CCT3: variants seen among roughly 807,000 people sequenced by gnomAD.
The protein encoded by CCT3 is chaperonin containing TCP1 subunit 3, also known as T-complex protein 1 subunit gamma.
A neutral mutation model predicts 65.3 loss-of-function variants in CCT3; 10 were observed. The ratio of observed to expected loss-of-function variants is 0.15; its 90% CI spans 0.09 to 0.26. The LOEUF (loss-of-function observed/expected upper bound fraction) is 0.26. Ranked by LOEUF, CCT3 falls within the 10% of genes least tolerant of loss-of-function variation. The pLI, the probability that CCT3 is intolerant of heterozygous loss-of-function variation, is 1.00. For synonymous variants in CCT3, 225 were observed against 242.3 expected (o/e 0.93, Z 0.66); for missense variants, 626 against 708.7 (o/e 0.88, Z 1.33).
chr1:156,335,254 G>T lies in CCT3; in HGVS notation c.94-336C>A, dbSNP rs369114197. 124 of 231,856 alleles carry T rather than the reference G, an allele frequency of 5.3e-4. 1 individual carries two copies. The highest frequency in any genetic ancestry group is 2.7e-3 in the African/African-American group (118 of 43,874). 14.4% of individuals were successfully genotyped at this position (231,856 alleles called of 1,614,324 possible). On this transcript the variant is annotated intron_variant, in intron 2 of 13. Transcript: ENST00000295688. Reference sequence around the variant, plus strand: ...CATGCCACTTTAGATATAGGATGTGGCTAGCTCTGTTGTTTTTCTCCCCTT... The same window carrying T: ...CATGCCACTTTAGATATAGGATGTGTCTAGCTCTGTTGTTTTTCTCCCCTT...
intron 7 of CCT3, among the ~76,000 whole-genome samples, chr1:156,320,464 C>T (rs1664501832): frequency 6.6e-6 from 1 of 151,940 alleles, no homozygotes; most frequent in African/African-American, 2.4e-5. Context: ...CTATTTCATT[C>T]AAGTAGGGTA....
intron 10 of CCT3, among the ~76,000 whole-genome samples, chr1:156,314,189 A>AT (rs1285843896): frequency 6.6e-6 from 1 of 152,178 alleles, no homozygotes; most frequent in Non-Finnish European, 1.5e-5. Flanking sequence ...CACAGTTGTT[A>AT]TAGATAAAGC....
Position 156,338,288 on chromosome 1 carries a change from C to G in CCT3, c.-104G>C. ...CCCAGAAAACGCTGCCTCCTCAGGGCTTACACCTCAACCCGCTACTCTCAA... is the reference window on the plus strand; with the variant it reads ...CCCAGAAAACGCTGCCTCCTCAGGGGTTACACCTCAACCCGCTACTCTCAA... On this transcript the variant is annotated 5_prime_UTR_variant, in exon 1 of 14. Coordinates refer to ENST00000295688, the MANE Select transcript of CCT3 (RefSeq NM_005998.5). 1 of 1,126,832 alleles carries G rather than the reference C, an allele frequency of 8.9e-7. No homozygotes were observed. The highest frequency in any genetic ancestry group is 1.3e-6 in the Non-Finnish European group (1 of 765,808). 69.8% of individuals were successfully genotyped at this position (1,126,832 alleles called of 1,614,324 possible).
At chr1:156,332,701 T>A (rs1162095374) in intron 5 of CCT3, 1 of 152,372 alleles carries the variant, frequency 6.6e-6, no homozygotes, top group Non-Finnish European at 1.5e-5. Context: ...ATTTCGGTAT[T>A]TATAATGGCT....
rs765182056 is a variant in CCT3 at position 156,310,617 on chromosome 1, C to T, written c.1474G>A (p.Glu492Lys). 9 of 1,613,868 alleles carry T rather than the reference C, an allele frequency of 5.6e-6. No individual in the cohort carries two copies. In the African/African-American group the frequency reaches 1.2e-4, roughly 22 times the overall value. The part of the protein sequence containing the change: ...GETGTLVDMK[E>K]LGIWEPLAVK... ...GCCAATGGCTCCCATATGCCCAGTT[C>T]CTTCATGTCCACCAAAGTACCCGTC... The change falls in exon 13 of 14, where the codon GAA (glutamate) becomes AAA (lysine). Residue 492 changes from glutamate to lysine, a missense_variant. By Grantham distance (56) the Glu-to-Lys change is moderately conservative. Coordinates refer to ENST00000295688, the MANE Select transcript of CCT3 (RefSeq NM_005998.5).
chr1:156,335,859 T>C lies in CCT3; in HGVS notation c.61A>G (p.Lys21Glu). The change falls in exon 2 of 14, where the codon AAA becomes GAA. Residue 21 changes from lysine to glutamate, a missense_variant. Physicochemically the swap from Lys to Glu is moderately conservative, Grantham distance 56 (BLOSUM62 1). Transcript: ENST00000295688. ...SQNTKRESGR[K>E]VQSGNINAAK... ...GCATTGATGTTTCCAGATTGAACTT[T>C]TCTTCCGGATTCACGCTTTGTGTTC... 6.2e-7 allele frequency: 1 copy of C among 1,614,174 alleles called. No individual in the cohort carries two copies. Among genetic ancestry groups the C allele is most frequent in the Non-Finnish European group, 8.5e-7 (1 of 1,180,014 alleles).
intron 6 of CCT3, 61 bp from the exon 7 acceptor site, chr1:156,321,086 C>A: frequency 7.6e-7 from 1 of 1,319,964 alleles, no homozygotes; most frequent in Non-Finnish European, 1.1e-6. Context: ...AGAGATGTGC[C>A]TTATCTATAC....
At chr1:156,332,396 A>G (rs2101673357) in intron 5 of CCT3, among the ~76,000 whole-genome samples, 1 of 152,354 alleles carries the variant, frequency 6.6e-6, no homozygotes, top group Middle Eastern at 3.4e-3. Context: ...CAATAGGCCA[A>G]GATTTGAAAA....
At chr1:156,324,867 T>A in intron 6 of CCT3, 105 bp downstream of exon 6, 1 of 706,836 alleles carries the variant, frequency 1.4e-6, no homozygotes, top group East Asian at 2.5e-5. Context: ...GACCTCAAGA[T>A]CCACCCGCCT....
intron 13 of CCT3, among the ~76,000 whole-genome samples, chr1:156,309,716 A>G (rs1663997394): frequency 6.6e-6 from 1 of 151,520 alleles, no homozygotes; most frequent in African/African-American, 2.4e-5. Context: ...GTGACCCACC[A>G]TGCCCGGCCT....
At position 156,325,030 on chromosome 1, in the gene CCT3, C is replaced by G. The variant is rs766088624; in HGVS notation, c.364G>C (p.Val122Leu). The part of the protein sequence containing the change: ...FLEQQMHPTV[V>L]ISAYRKALDD... ...AATGCCTTGCGGTAAGCACTGATCA[C>G]CACTGTTGGGTGCATCTGCTGCTCC... Residue 122 changes from valine (V) to leucine (L), a missense_variant, in exon 6 of 14, where the codon GTG becomes CTG. Val to Leu is a conservative substitution (Grantham distance 32). Coordinates refer to ENST00000295688, the MANE Select transcript of CCT3 (RefSeq NM_005998.5). The G allele has an allele frequency of 1.3e-5, 21 of 1,613,836 alleles. No individual in the cohort carries two copies. Among genetic ancestry groups the G allele is most frequent in the Non-Finnish European group, 1.8e-5 (21 of 1,179,964 alleles).
chr1:156,323,450 A>C (rs1664656056), intron 6 of CCT3, among the ~76,000 whole-genome samples: 1 of 152,140 alleles, frequency 6.6e-6, no homozygotes, highest in African/African-American at 2.4e-5. Flanking sequence ...GCGTGGAAAA[A>C]ATATACATTT....
chr1:156,334,826 A>T lies in CCT3; in HGVS notation c.144+42T>A, dbSNP rs529631614. 243 of 1,613,904 alleles carry T rather than the reference A, an allele frequency of 1.5e-4. 1 individual carries two copies. In the South Asian group the frequency reaches 2.6e-3, roughly 17 times the overall value. On this transcript the variant is annotated intron_variant, in intron 3 of 13. Coordinates refer to ENST00000295688, the MANE Select transcript of CCT3 (RefSeq NM_005998.5). Reference sequence around the variant, plus strand: ...TAAAGTGTCCTAGATAACAGGAAGAAAAAAATTGTAGCCTAAGAGTTTTAG... The same window carrying T: ...TAAAGTGTCCTAGATAACAGGAAGATAAAAATTGTAGCCTAAGAGTTTTAG...
At chr1:156,328,201 G>C (rs1359447271) in intron 5 of CCT3, among the ~76,000 whole-genome samples, 2 of 122,284 alleles carry the variant, frequency 1.6e-5, no homozygotes, top group Admixed American at 1.7e-4. Context: ...AGGGAGGTGG[G>C]GGGGGTCAGT....
intron 5 of CCT3, among the ~76,000 whole-genome samples, chr1:156,332,366 T>C (rs1314386557): frequency 6.6e-6 from 1 of 152,208 alleles, no homozygotes; most frequent in Admixed American, 6.5e-5. Context: ...ACTATCATCT[T>C]GACATTTACA....
At position 156,317,181 on chromosome 1, in the gene CCT3, T is replaced by C. The variant is rs750346022; in HGVS notation, c.959A>G (p.Asn320Ser). ...GCCTACTCACCTAGCAATGCGATTA[T>C]TGTCTGTCTTCCGGACTCTGCGGAT... ...TAIRRVRKTD[N>S]NRIARACGAR... Residue 320 changes from asparagine to serine, a missense_variant, in exon 10 of 14, where the codon AAT becomes AGT. Physicochemically the swap from Asn to Ser is conservative, Grantham distance 46. Coordinates refer to ENST00000295688, the MANE Select transcript of CCT3 (RefSeq NM_005998.5). The C allele has an allele frequency of 4.1e-5, 66 of 1,613,994 alleles. No individual in the cohort carries two copies. Among genetic ancestry groups the C allele is most frequent in the Non-Finnish European group, 5.1e-5 (60 of 1,179,936 alleles).
intron 8 of CCT3, among the ~76,000 whole-genome samples, chr1:156,317,853 T>G (rs1171560083): frequency 1.1e-4 from 17 of 151,326 alleles, no homozygotes; most frequent in Non-Finnish European, 1.0e-4. Context: ...GGACTACAGG[T>G]GCCTGCCACC....
chr1:156,321,093 A>G, intron 6 of CCT3, 68 bp from the exon 7 acceptor site: 1 of 1,256,088 alleles, frequency 8.0e-7, no homozygotes, highest in Non-Finnish European at 1.1e-6. Context: ...TGCCTTATCT[A>G]TACCTCAGTG....
intron 10 of CCT3, among the ~76,000 whole-genome samples, chr1:156,314,089 A>C (rs76473315): frequency 7.1e-6 from 1 of 140,832 alleles, no homozygotes; most frequent in East Asian, 1.9e-4. Context: ...CTGTCTCCAA[A>C]AAAAAAAAAA....
Sources: gnomAD v4.1 joint callset for allele counts (sites outside exome capture counted in the v4.1 genomes callset) on GRCh38, gnomAD v4.1.1 for gene constraint, MANE v1.5 for transcripts, NCBI Gene and HGNC (gene_info 2026-07-23, HGNC 2026-07-21) for gene names.